Variants in RCL1 observed in about 807,000 individuals in gnomAD.
RCL1 encodes RNA terminal phosphate cyclase like 1.
RCL1 carries 24 observed loss-of-function variants against 42.4 expected under a neutral mutation model. That is an observed-to-expected ratio of 0.57 (90% CI 0.41 to 0.80). The LOEUF (loss-of-function observed/expected upper bound fraction) is 0.80. Ranked by LOEUF, RCL1 falls within the 30% of genes least tolerant of loss-of-function variation. The pLI is 0.00. For missense variants in RCL1, 578 were observed against 467.9 expected (o/e 1.24, Z -2.17); for synonymous variants, 228 against 177.3 (o/e 1.29, Z -2.27).
At chr9:4,856,373 C>T (rs908098606) in intron 8 of RCL1, among the ~76,000 whole-genome samples, 1 of 152,156 alleles carries the variant, frequency 6.6e-6, no homozygotes, top group Non-Finnish European at 1.5e-5. Flanking sequence ...TAAATTCTAT[C>T]CAGTGCCTCT....
At position 4,844,607 on chromosome 9, in the gene RCL1, G is replaced by A. The variant is rs1196804099; in HGVS notation, c.793G>A (p.Gly265Ser). 1.2e-6 allele frequency: 2 copies of A among 1,614,052 alleles called. No homozygotes were observed. Among genetic ancestry groups the A allele is most frequent in the South Asian group, 1.1e-5 (1 of 91,060 alleles). ...LSAELASNPQ[G>S]QGAAVLPEDL... ...TGCTGAACTGGCCTCCAACCCCCAGGGCCAGGGAGCAGCAGTACTTCCAGA... is the reference window on the plus strand; with the variant it reads ...TGCTGAACTGGCCTCCAACCCCCAGAGCCAGGGAGCAGCAGTACTTCCAGA... Residue 265 changes from glycine (G) to serine (S), a missense_variant, in exon 7 of 9, where the codon GGC becomes AGC. By Grantham distance (56) the Gly-to-Ser change is moderately conservative. Coordinates refer to ENST00000381750, the MANE Select transcript of RCL1 (RefSeq NM_005772.5).
At chr9:4,795,715 T>G (rs1842903068) in intron 1 of RCL1, among the ~76,000 whole-genome samples, 1 of 152,224 alleles carries the variant, frequency 6.6e-6, no homozygotes, top group South Asian at 2.1e-4. Flanking sequence ...GGTGCTTGCT[T>G]AAAACATCCC....
At chr9:4,823,738 T>C in intron 2 of RCL1, 119 bp downstream of exon 2, 1 of 663,636 alleles carries the variant, frequency 1.5e-6, no homozygotes, top group South Asian at 2.0e-5. Context: ...ATCACTCTTT[T>C]TAATGGTATA....
chr9:4,833,099 C>A, intron 3 of RCL1, 55 bp from the exon 4 acceptor site: 1 of 1,249,604 alleles, frequency 8.0e-7, no homozygotes, highest in Non-Finnish European at 1.2e-6. Flanking sequence ...TTTTTTGACT[C>A]TTGTATTCTG....
At chr9:4,854,181 A>T (rs1235505805) in intron 8 of RCL1, among the ~76,000 whole-genome samples, 1 of 152,180 alleles carries the variant, frequency 6.6e-6, no homozygotes, top group East Asian at 1.9e-4. Flanking sequence ...TTATGGTGAG[A>T]TCCTGTCTGA....
intron 1 of RCL1, among the ~76,000 whole-genome samples, chr9:4,820,429 G>A (rs1377013244): frequency 6.6e-6 from 1 of 152,186 alleles, no homozygotes; most frequent in Non-Finnish European, 1.5e-5. Flanking sequence ...TGAAGCACCG[G>A]TTTGCCGTGA....
chr9:4,815,124 C>T (rs1161324416), intron 1 of RCL1, among the ~76,000 whole-genome samples: 3 of 152,068 alleles, frequency 2.0e-5, no homozygotes, highest in Non-Finnish European at 4.4e-5. Flanking sequence ...ATTTTGGAAC[C>T]TTTGAGCTTC....
At chr9:4,820,618 G>T (rs1816562844) in intron 1 of RCL1, among the ~76,000 whole-genome samples, 1 of 152,126 alleles carries the variant, frequency 6.6e-6, no homozygotes, top group Admixed American at 6.5e-5. Context: ...AATCTGTGGG[G>T]TTTAATCTTA....
At chr9:4,821,528 A>G (rs555073924) in intron 1 of RCL1, among the ~76,000 whole-genome samples, 42 of 152,384 alleles carry the variant, frequency 2.8e-4, no homozygotes, top group Non-Finnish European at 4.4e-4. Flanking sequence ...CTGGAAGCCA[A>G]GAAATCCAAT....
At chr9:4,843,376 A>ATT (rs112842210) in intron 6 of RCL1, among the ~76,000 whole-genome samples, 72 of 149,244 alleles carry the variant, frequency 4.8e-4, no homozygotes, top group Admixed American at 9.3e-4. Context: ...TCTCACAGTA[A>ATT]TTTTTTTTTT....
At chr9:4,816,688 T>C (rs1035706843) in intron 1 of RCL1, among the ~76,000 whole-genome samples, 11 of 152,220 alleles carry the variant, frequency 7.2e-5, no homozygotes, top group African/African-American at 2.2e-4. Context: ...TGAGATGTTA[T>C]TTAAGATTTT....
intron 1 of RCL1, among the ~76,000 whole-genome samples, chr9:4,798,962 A>G (rs1441949322): frequency 6.7e-6 from 1 of 149,468 alleles, no homozygotes; most frequent in Admixed American, 6.7e-5. Context: ...AAGCTGTTGT[A>G]TAAATGCCTT....
chr9:4,825,279 A>T (rs1476469837), intron 2 of RCL1, among the ~76,000 whole-genome samples: 1 of 152,152 alleles, frequency 6.6e-6, no homozygotes. Context: ...AATTTTCCGC[A>T]TCAGAGTAGT....
intron 1 of RCL1, among the ~76,000 whole-genome samples, chr9:4,798,961 T>C (rs750970550): frequency 8.6e-5 from 13 of 151,678 alleles, no homozygotes; most frequent in Admixed American, 5.9e-4. Context: ...GAAGCTGTTG[T>C]ATAAATGCCT....
intron 1 of RCL1, 55 bp from the exon 2 acceptor site, chr9:4,823,493 C>T: frequency 2.2e-6 from 3 of 1,385,792 alleles, no homozygotes; most frequent in Non-Finnish European, 3.0e-6. Flanking sequence ...AAATGTTGAC[C>T]TGACATGAGG....
chr9:4,858,113 C>A (rs539787406), intron 8 of RCL1, among the ~76,000 whole-genome samples: 1 of 151,970 alleles, frequency 6.6e-6, no homozygotes, highest in Non-Finnish European at 1.5e-5. Flanking sequence ...AGGCCCCAAG[C>A]AATTTGCCTG....
rs574049919 is a variant in RCL1 at position 4,832,766 on chromosome 9, C to T, written c.385-388C>T. 2.7e-5 allele frequency among the ~76,000 whole-genome samples: 4 copies of T among 147,358 alleles called. No homozygotes were observed. The South Asian group carries it at 6.5e-4, about 24-fold the overall frequency. ...GAGGTTGCAGTGAGCCTAGATCGCG[C>T]CACTGCACTCCAGCCTGGTGACAGA... On this transcript the variant is annotated intron_variant, in intron 3 of 8. Transcript: ENST00000381750.
chr9:4,830,467 C>T (rs1352255481), intron 3 of RCL1, among the ~76,000 whole-genome samples: 3 of 152,038 alleles, frequency 2.0e-5, no homozygotes, highest in African/African-American at 7.2e-5. Flanking sequence ...ACATTTTTTC[C>T]TTAGAGGCAA....
chr9:4,824,757 C>T (rs10114652), intron 2 of RCL1, among the ~76,000 whole-genome samples: 1,998 of 152,274 alleles, frequency 0.013, 47 homozygotes, highest in African/African-American at 0.045. Flanking sequence ...CTGCATTCAG[C>T]CATATCTTAT....
Sources: allele counts gnomAD v4.1 joint callset (sites outside exome capture counted in the v4.1 genomes callset), GRCh38; gene constraint gnomAD v4.1.1; transcripts MANE v1.5; gene names NCBI Gene and HGNC (gene_info 2026-07-23, HGNC 2026-07-21).